Variants in SNX24 observed in about 807,000 individuals in gnomAD.
SNX24 encodes sorting nexin 24.
Under a neutral mutation model 28.7 loss-of-function variants are expected in SNX24, and 22 were observed. The observed-to-expected ratio is 0.77, with a 90% confidence interval of 0.55 to 1.10. The LOEUF (loss-of-function observed/expected upper bound fraction) is 1.10, where lower values mean the gene tolerates loss of function less well. Among genes scored for constraint, SNX24 ranks in the 50% least tolerant of loss-of-function variants. The probability of loss-of-function intolerance (pLI) is 0.00; values close to 1 mark genes in which losing one functional copy is unlikely to be tolerated. For synonymous variants in SNX24, 69 were observed against 71.5 expected, an observed-to-expected ratio of 0.96 and a Z score of 0.18; for missense variants, 221 against 201.1, an observed-to-expected ratio of 1.10 and a Z score of -0.60.
chr5:122,849,217 A>G (rs992294230), intron 1 of SNX24, among the ~76,000 whole-genome samples: 11 of 152,298 alleles, frequency 7.2e-5, no homozygotes, highest in African/African-American at 2.6e-4. Flanking sequence ...GTACTAAGTA[A>G]TTTACCTTTA....
intron 3 of SNX24, among the ~76,000 whole-genome samples, chr5:122,966,768 A>T (rs1456667408): frequency 6.6e-6 from 1 of 152,214 alleles, no homozygotes; most frequent in African/African-American, 2.4e-5. Flanking sequence ...TATACCACAT[A>T]GAGTTGTTAA....
chr5:123,026,166 T>G (rs1762849972), intron 5 of SNX24, among the ~76,000 whole-genome samples: 1 of 152,090 alleles, frequency 6.6e-6, no homozygotes, highest in Non-Finnish European at 1.5e-5. Context: ...GGGCCTAAAA[T>G]GAACAAAGAA....
chr5:122,875,515 T>C (rs1756183785), intron 1 of SNX24, among the ~76,000 whole-genome samples: 1 of 152,370 alleles, frequency 6.6e-6, no homozygotes, highest in Admixed American at 6.5e-5. Context: ...TTAACTTGCC[T>C]CCACATGCTT....
At chr5:123,006,106 T>G (rs1762413574) in intron 6 of SNX24, among the ~76,000 whole-genome samples, 1 of 152,176 alleles carries the variant, frequency 6.6e-6, no homozygotes, top group Non-Finnish European at 1.5e-5. Flanking sequence ...GTCACACAGG[T>G]ATTAAGTGGT....
At chr5:123,000,064 T>G (rs1762192361) in intron 4 of SNX24, 58 bp downstream of exon 4, 2 of 1,161,894 alleles carry the variant, frequency 1.7e-6, no homozygotes, top group Non-Finnish European at 2.6e-6. Context: ...AATGACCAAT[T>G]GATCTAACAA....
rs1196550457 is a variant in SNX24 at position 122,934,833 on chromosome 5, A to G, written c.61-1901A>G. 5.3e-5 allele frequency among the ~76,000 whole-genome samples: 8 copies of G among 152,284 alleles called. No individual in the cohort carries two copies. In the South Asian group the frequency reaches 1.0e-3, roughly 20 times the overall value. On this transcript the variant is annotated intron_variant, in intron 1 of 6. Coordinates refer to ENST00000261369, the MANE Select transcript of SNX24 (RefSeq NM_014035.4). ...ATATAAGAATTAAAGTTTATCGCAA[A>G]CTTTGCTGTGGTGGAACATCCACCC...
At chr5:122,950,158 T>G (rs576143025) in intron 3 of SNX24, among the ~76,000 whole-genome samples, 40 of 152,322 alleles carry the variant, frequency 2.6e-4, no homozygotes, top group African/African-American at 9.6e-4. Flanking sequence ...TCAGTTGGTT[T>G]TCATCTCAGT....
At chr5:122,853,877 C>G (rs192210809) in intron 1 of SNX24, 2 of 161,976 alleles carry the variant, frequency 1.2e-5, no homozygotes, top group African/African-American at 4.8e-5. Flanking sequence ...TTTAAAATCA[C>G]TTGGATTGGT....
chr5:122,929,836 C>G (rs1011724629), intron 1 of SNX24, among the ~76,000 whole-genome samples: 1 of 151,154 alleles, frequency 6.6e-6, no homozygotes, highest in African/African-American at 2.4e-5. Context: ...TACTTTGTTT[C>G]TAGGTTAGGT....
intron 1 of SNX24, among the ~76,000 whole-genome samples, chr5:122,848,057 C>T (rs980093013): frequency 3.3e-5 from 5 of 151,926 alleles, no homozygotes; most frequent in African/African-American, 9.7e-5. Context: ...AAATAATGTA[C>T]ACTTTCGTGT....
chr5:122,933,104 C>T (rs1479449962), intron 1 of SNX24, among the ~76,000 whole-genome samples: 1 of 152,114 alleles, frequency 6.6e-6, no homozygotes, highest in African/African-American at 2.4e-5. Context: ...GTTAAGTTAC[C>T]TGGAAACAAT....
chr5:122,876,497 C>G (rs1756229741), intron 1 of SNX24, among the ~76,000 whole-genome samples: 1 of 152,158 alleles, frequency 6.6e-6, no homozygotes, highest in Admixed American at 6.5e-5. Context: ...TTACTCTCAA[C>G]AAAGTTTCAA....
downstream of SNX24, among the ~76,000 whole-genome samples, chr5:123,013,678 C>T (rs1762632574): frequency 6.6e-6 from 1 of 152,122 alleles, no homozygotes; most frequent in South Asian, 2.1e-4. Flanking sequence ...TAAATCTGGC[C>T]TATAAAATGT....
At chr5:122,893,718 A>G (rs752131588) in intron 1 of SNX24, among the ~76,000 whole-genome samples, 6 of 152,156 alleles carry the variant, frequency 3.9e-5, no homozygotes, top group African/African-American at 7.2e-5. Flanking sequence ...AATATATTTC[A>G]TTAGGTTTGT....
chr5:123,024,583 G>A (rs1252109795), intron 5 of SNX24, among the ~76,000 whole-genome samples: 1 of 152,222 alleles, frequency 6.6e-6, no homozygotes, highest in Non-Finnish European at 1.5e-5. Flanking sequence ...GGCTTCACAA[G>A]CCCAACAGTA....
At chr5:122,958,469 G>T (rs1182187074) in intron 3 of SNX24, among the ~76,000 whole-genome samples, 1 of 152,032 alleles carries the variant, frequency 6.6e-6, no homozygotes, top group Non-Finnish European at 1.5e-5. Context: ...GGCCAAGCTG[G>T]TCTCAAACTC....
intron 3 of SNX24, among the ~76,000 whole-genome samples, chr5:122,967,991 A>G (rs1210360083): frequency 6.6e-6 from 1 of 152,198 alleles, no homozygotes; most frequent in African/African-American, 2.4e-5. Context: ...AAGAAAACAA[A>G]TCTTGGAGAG....
chr5:122,950,982 G>A (rs1053092010), intron 3 of SNX24, among the ~76,000 whole-genome samples: 3 of 152,012 alleles, frequency 2.0e-5, no homozygotes, highest in Admixed American at 6.6e-5. Context: ...AAAATTTAAA[G>A]TCAGGCCGGG....
intron 5 of SNX24, among the ~76,000 whole-genome samples, chr5:123,017,326 C>T (rs1485893818): frequency 6.6e-6 from 1 of 152,060 alleles, no homozygotes; most frequent in Non-Finnish European, 1.5e-5. Flanking sequence ...CGCTCATGTG[C>T]ACCTCCCCTG....
Sources: allele counts gnomAD v4.1 joint callset (sites outside exome capture counted in the v4.1 genomes callset), GRCh38; gene constraint gnomAD v4.1.1; transcripts MANE v1.5; gene names NCBI Gene and HGNC (gene_info 2026-07-23, HGNC 2026-07-21).